The following SLX4IP variants were observed in gnomAD, a reference collection of about 807,000 sequenced individuals.
SLX4IP encodes protein SLX4IP.
Under a neutral mutation model 32.9 loss-of-function variants are expected in SLX4IP, and 34 were observed. That is an observed-to-expected ratio of 1.03 (90% CI 0.79 to 1.38). The LOEUF (loss-of-function observed/expected upper bound fraction) is 1.38. SLX4IP is among the 40% of genes most tolerant of loss of function. The pLI, the probability that SLX4IP is intolerant of heterozygous loss-of-function variation, is 0.00. For missense variants in SLX4IP, 444 were observed against 479.0 expected (o/e 0.93, Z 0.68); for synonymous variants, 172 against 171.7 (o/e 1.00, Z -0.01).
intron 2 of SLX4IP, among the ~76,000 whole-genome samples, chr20:10,513,531 A>G (rs973031253): frequency 6.6e-6 from 1 of 152,236 alleles, no homozygotes; most frequent in South Asian, 2.1e-4. Flanking sequence ...GCACCTTTTC[A>G]TTACAAAATC....
intron 1 of SLX4IP, among the ~76,000 whole-genome samples, chr20:10,442,570 A>T (rs754478436): frequency 2.0e-5 from 3 of 152,272 alleles, no homozygotes; most frequent in Non-Finnish European, 4.4e-5. Context: ...ATATACTTTC[A>T]GATATTTGGA....
At chr20:10,595,889 T>C (rs1197462473) in intron 4 of SLX4IP, among the ~76,000 whole-genome samples, 1 of 152,210 alleles carries the variant, frequency 6.6e-6, no homozygotes, top group African/African-American at 2.4e-5. Flanking sequence ...GCTATTTCTC[T>C]TGTAGGTGCC....
At chr20:10,613,570 T>A (rs2066992685) in intron 6 of SLX4IP, 1 of 1,612,594 alleles carries the variant, frequency 6.2e-7, no homozygotes, top group Non-Finnish European at 8.5e-7. Flanking sequence ...ATGGCTGCCT[T>A]CAGGCTATCC....
intron 4 of SLX4IP, among the ~76,000 whole-genome samples, chr20:10,582,939 G>A (rs1436243196): frequency 6.6e-6 from 1 of 151,998 alleles, no homozygotes; most frequent in Non-Finnish European, 1.5e-5. Flanking sequence ...AGAAAAAAAT[G>A]TATCATCTTG....
intron 2 of SLX4IP, among the ~76,000 whole-genome samples, chr20:10,525,565 T>C (rs2065934186): frequency 6.6e-6 from 1 of 152,276 alleles, no homozygotes; most frequent in Admixed American, 6.5e-5. Flanking sequence ...TTGTTTTTCC[T>C]GGAATTTAGA....
At chr20:10,583,089 C>A (rs780390648) in intron 4 of SLX4IP, among the ~76,000 whole-genome samples, 12 of 152,072 alleles carry the variant, frequency 7.9e-5, no homozygotes, top group Non-Finnish European at 1.6e-4. Context: ...TTATCTGTTG[C>A]CAGCATCCCA....
chr20:10,565,476 A>T (rs893099624), intron 4 of SLX4IP, among the ~76,000 whole-genome samples: 5 of 152,140 alleles, frequency 3.3e-5, no homozygotes, highest in Non-Finnish European at 5.9e-5. Flanking sequence ...CCCACCCTGC[A>T]GAGACTGACT....
chr20:10,571,598 C>G (rs2066466747), intron 4 of SLX4IP, among the ~76,000 whole-genome samples: 1 of 152,224 alleles, frequency 6.6e-6, no homozygotes, highest in Non-Finnish European at 1.5e-5. Context: ...TCCTCTCTCC[C>G]TGCTCACCCT....
At chr20:10,566,668 C>T (rs1427966009) in intron 4 of SLX4IP, among the ~76,000 whole-genome samples, 2 of 152,196 alleles carry the variant, frequency 1.3e-5, no homozygotes, top group South Asian at 2.1e-4. Flanking sequence ...TGCATCACAA[C>T]TGAGTTTTCA....
chr20:10,484,172 T>G (rs957878901), intron 2 of SLX4IP, among the ~76,000 whole-genome samples: 9 of 152,194 alleles, frequency 5.9e-5, no homozygotes, highest in African/African-American at 2.2e-4. Flanking sequence ...TCTTTTGTTT[T>G]AGGGGCCTCA....
chr20:10,611,087 G>A (rs1279572771), intron 6 of SLX4IP, among the ~76,000 whole-genome samples: 1 of 152,160 alleles, frequency 6.6e-6, no homozygotes, highest in Non-Finnish European at 1.5e-5. Context: ...AAGTATGGTT[G>A]TAACGTTCTT....
chr20:10,554,241 G>A (rs1280593378), intron 2 of SLX4IP, among the ~76,000 whole-genome samples: 1 of 152,182 alleles, frequency 6.6e-6, no homozygotes, highest in African/African-American at 2.4e-5. Flanking sequence ...GGTTTCTTTT[G>A]CTCAACCTAA....
chr20:10,535,465 G>T (rs1007925429), intron 2 of SLX4IP, among the ~76,000 whole-genome samples: 2 of 152,140 alleles, frequency 1.3e-5, no homozygotes, highest in African/African-American at 4.8e-5. Flanking sequence ...GGGATTACAG[G>T]TGCGTGCCAC....
rs890586181 is a variant in SLX4IP at position 10,559,795 on chromosome 20, G to A, written c.118-905G>A. 4.6e-5 allele frequency among the ~76,000 whole-genome samples: 7 copies of A among 152,156 alleles called. No individual in the cohort carries two copies. In the South Asian group the frequency reaches 8.3e-4, roughly 18 times the overall value. ...TGAATTAAAACCATGTGTTTCTGTCGCCTAATAAATGTTAATCTACTTTAG... is the reference window on the plus strand; with the variant it reads ...TGAATTAAAACCATGTGTTTCTGTCACCTAATAAATGTTAATCTACTTTAG... On this transcript the variant is annotated intron_variant, in intron 3 of 7. Coordinates refer to ENST00000334534, the MANE Select transcript of SLX4IP (RefSeq NM_001009608.3).
At chr20:10,613,804 C>A in intron 6 of SLX4IP, 1 of 1,613,096 alleles carries the variant, frequency 6.2e-7, no homozygotes, top group Non-Finnish European at 8.5e-7. Flanking sequence ...TCCATGTCAC[C>A]CTTGAAGTCC....
intron 2 of SLX4IP, among the ~76,000 whole-genome samples, chr20:10,528,818 G>A (rs2065961188): frequency 6.6e-6 from 1 of 152,170 alleles, no homozygotes; most frequent in African/African-American, 2.4e-5. Context: ...ACATACCTGT[G>A]TTGTCACATT....
chr20:10,483,112 GTTTT>G (rs1264844745), intron 2 of SLX4IP, among the ~76,000 whole-genome samples: 2 of 152,112 alleles, frequency 1.3e-5, no homozygotes, highest in African/African-American at 4.8e-5. Context: ...AGAAAGATAA[GTTTT>G]TTGTTTGTTC....
chr20:10,608,651 G>A (rs2066931932), intron 6 of SLX4IP, among the ~76,000 whole-genome samples: 1 of 144,034 alleles, frequency 6.9e-6, no homozygotes. Context: ...TCCAGCCTGG[G>A]TGACAGAGCA....
chr20:10,463,213 CT>C (rs778963488), intron 2 of SLX4IP, among the ~76,000 whole-genome samples: 6 of 152,166 alleles, frequency 3.9e-5, no homozygotes, highest in Non-Finnish European at 7.4e-5. Flanking sequence ...AAATGATTCT[CT>C]TTAGAATTTG....
Sources: allele counts gnomAD v4.1 joint callset (sites outside exome capture counted in the v4.1 genomes callset), GRCh38; gene constraint gnomAD v4.1.1; transcripts MANE v1.5; gene names NCBI Gene and HGNC (gene_info 2026-07-23, HGNC 2026-07-21).